The following GABRG3 variants were observed in gnomAD, a reference collection of about 807,000 sequenced individuals.
GABRG3 encodes gamma-aminobutyric acid receptor subunit gamma-3.
Under a neutral mutation model 48.8 loss-of-function variants are expected in GABRG3, and 25 were observed. The observed-to-expected ratio is 0.51, with a 90% confidence interval of 0.37 to 0.72. The LOEUF is 0.72. GABRG3 is among the 30% of genes least tolerant of loss of function. The pLI is 0.00. For missense variants in GABRG3, 394 were observed against 577.9 expected (o/e 0.68, Z 3.26); for synonymous variants, 227 against 217.6 (o/e 1.04, Z -0.38).
At chr15:27,131,474 A>G (rs1897915501) in intron 3 of GABRG3, among the ~76,000 whole-genome samples, 1 of 151,980 alleles carries the variant, frequency 6.6e-6, no homozygotes, top group African/African-American at 2.4e-5. Context: ...AGTAGTCAAA[A>G]AGATATTGGT....
At chr15:27,277,027 C>T (rs1891276575) in intron 3 of GABRG3, among the ~76,000 whole-genome samples, 1 of 152,134 alleles carries the variant, frequency 6.6e-6, no homozygotes, top group Non-Finnish European at 1.5e-5. Flanking sequence ...AACTTGGTAA[C>T]TAATAAGATG....
chr15:27,183,350 A>G (rs557817839), intron 3 of GABRG3, among the ~76,000 whole-genome samples: 4 of 152,340 alleles, frequency 2.6e-5, no homozygotes, highest in Admixed American at 1.3e-4. Flanking sequence ...GCTCCTGGCC[A>G]TGAGCTGATG....
intron 3 of GABRG3, among the ~76,000 whole-genome samples, chr15:27,320,857 A>T (rs1893400030): frequency 6.6e-6 from 1 of 152,230 alleles, no homozygotes; most frequent in Admixed American, 6.5e-5. Flanking sequence ...TTAATAATTT[A>T]TATTAATGTT....
chr15:27,159,593 T>G (rs1041315226), intron 3 of GABRG3, among the ~76,000 whole-genome samples: 5 of 152,150 alleles, frequency 3.3e-5, no homozygotes, highest in African/African-American at 4.8e-5. Context: ...TATCCTTATA[T>G]GAACATTTGA....
At position 27,326,884 on chromosome 15, in the gene GABRG3, C is replaced by T; in HGVS notation, c.346C>T (p.Leu116Phe). Residue 116 changes from leucine (L) to phenylalanine (F), a missense_variant, in exon 4 of 10, where the codon CTT (leucine) becomes TTT (phenylalanine). Around this residue, in one of 3 missense-constraint regions of GABRG3, gnomAD observed 218 missense variants for 309.9 expected, o/e 0.70. Transcript: ENST00000615808. ...RLRFNSTMKI[L>F]TLNSNMVGLI... ...TCGATTCAACAGCACAATGAAAATT[C>T]TTACTCTGAACAGCAACATGGTGGG... 1 of 1,614,000 alleles carries T rather than the reference C, an allele frequency of 6.2e-7. No homozygotes were observed. Among genetic ancestry groups the T allele is most frequent in the African/African-American group, 1.3e-5 (1 of 75,048 alleles).
At chr15:27,092,330 T>TTCCAAATAAATTTGCA (rs1259208157) in intron 3 of GABRG3, among the ~76,000 whole-genome samples, 1 of 152,224 alleles carries the variant, frequency 6.6e-6, no homozygotes, top group East Asian at 1.9e-4. Flanking sequence ...GTGTGTGCAT[T>TTCCAAATAAATTTGCA]TCCAAATAAA....
At chr15:27,154,536 A>G (rs1472386354) in intron 3 of GABRG3, among the ~76,000 whole-genome samples, 2 of 152,188 alleles carry the variant, frequency 1.3e-5, no homozygotes, top group East Asian at 3.8e-4. Flanking sequence ...GGTTTTACTA[A>G]GAATGGGTGT....
intron 3 of GABRG3, among the ~76,000 whole-genome samples, chr15:27,275,487 A>G (rs1486847105): frequency 6.6e-6 from 1 of 152,128 alleles, no homozygotes; most frequent in Admixed American, 6.6e-5. Context: ...GACCTATGGG[A>G]ATTGAATGGA....
intron 5 of GABRG3, among the ~76,000 whole-genome samples, chr15:27,397,042 C>A (rs559618431): frequency 6.6e-6 from 1 of 151,962 alleles, no homozygotes; most frequent in East Asian, 1.9e-4. Flanking sequence ...TTTGTCAAAC[C>A]CAATAGAACT....
chr15:27,376,809 A>G (rs1023361475), intron 5 of GABRG3, among the ~76,000 whole-genome samples: 3 of 152,084 alleles, frequency 2.0e-5, no homozygotes, highest in African/African-American at 7.2e-5. Flanking sequence ...CCCTGGAGAC[A>G]TTTTCCCCAT....
intron 2 of GABRG3, among the ~76,000 whole-genome samples, chr15:26,985,391 T>C (rs1242325652): frequency 6.6e-6 from 1 of 152,244 alleles, no homozygotes; most frequent in African/African-American, 2.4e-5. Flanking sequence ...AGAGTGGGGC[T>C]GTGTCCCCCA....
At chr15:27,494,279 T>C (rs1359369027) in intron 6 of GABRG3, among the ~76,000 whole-genome samples, 1 of 152,088 alleles carries the variant, frequency 6.6e-6, no homozygotes, top group African/African-American at 2.4e-5. Flanking sequence ...AATATTAATA[T>C]TGTATCAATT....
intron 3 of GABRG3, among the ~76,000 whole-genome samples, chr15:27,273,567 A>G (rs963974583): frequency 1.3e-5 from 2 of 152,224 alleles, no homozygotes; most frequent in Non-Finnish European, 2.9e-5. Flanking sequence ...CAGAAGTCGT[A>G]TGAGCTATTC....
intron 9 of GABRG3, among the ~76,000 whole-genome samples, chr15:27,532,386 T>C (rs1891442442): frequency 6.8e-6 from 1 of 147,982 alleles, no homozygotes; most frequent in Admixed American, 6.7e-5. Flanking sequence ...TCTTCTCTTC[T>C]TCCTTCCTTC....
intron 9 of GABRG3, among the ~76,000 whole-genome samples, chr15:27,532,259 CA>C (rs1318607281): frequency 6.6e-6 from 1 of 152,026 alleles, no homozygotes; most frequent in East Asian, 1.9e-4. Context: ...AACTGCAATG[CA>C]ATTTTCCTTG....
At chr15:27,307,972 A>G (rs1431461505) in intron 3 of GABRG3, among the ~76,000 whole-genome samples, 1 of 136,872 alleles carries the variant, frequency 7.3e-6, no homozygotes. Flanking sequence ...GTTTATATAT[A>G]AACATATATA....
At chr15:27,324,614 C>G (rs1033335541) in intron 3 of GABRG3, among the ~76,000 whole-genome samples, 1 of 152,210 alleles carries the variant, frequency 6.6e-6, no homozygotes. Flanking sequence ...AGGCAGGCAA[C>G]GGTACCATTC....
chr15:27,340,916 T>A (rs1262241615), intron 5 of GABRG3: 19 of 472,436 alleles, frequency 4.0e-5, no homozygotes, highest in Admixed American at 7.2e-5. Flanking sequence ...CAGCATTTGC[T>A]TTTTGAAAGC....
rs1286182938 is a variant in GABRG3, at chr15:27,538,847, A to G, written c.*5966A>G. 1 of 152,180 alleles carries G rather than the reference A, an allele frequency of 6.6e-6. No homozygotes were observed. The highest frequency in any genetic ancestry group is 1.5e-5 in the Non-Finnish European group (1 of 68,036). 9.4% of individuals were successfully genotyped at this position (152,180 alleles called of 1,614,324 possible). A position where few individuals can be genotyped will look rare whatever the true frequency, so the allele number is the denominator to read the frequency against. The stretch of plus-strand genomic sequence containing the variant: ...ACTTACTGAAGTTCGATCCCAGTGA[A>G]TGATGTGTATGTACCCAACACATCC... On this transcript the variant is annotated 3_prime_UTR_variant, in exon 10 of 10. Transcript: ENST00000615808.
Sources: allele counts gnomAD v4.1 joint callset (sites outside exome capture counted in the v4.1 genomes callset), GRCh38; gene constraint gnomAD v4.1.1; regional missense constraint gnomAD v4.1.1; transcripts MANE v1.5; gene names NCBI Gene and HGNC (gene_info 2026-07-23, HGNC 2026-07-21).